The following OR11L1 variants were observed in gnomAD, a reference collection of about 807,000 sequenced individuals.
OR11L1 encodes olfactory receptor 11L1.
For synonymous variants in OR11L1, 164 were observed against 159.1 expected, an observed-to-expected ratio of 1.03 and a Z score of -0.23; for missense variants, 397 against 392.7, an observed-to-expected ratio of 1.01 and a Z score of -0.09.
chr1:247,841,567 G>A lies in OR11L1; in HGVS notation c.330C>T (p.Thr110=), dbSNP rs760343108. ...QLYFFVFLGA[T]ECFLLAFMAY... ...CCATGAAGGCCAGGAGAAAGCACTC[G>A]GTGGCGCCGAGGAATACGAAGAAGT... is the stretch of plus-strand genomic sequence containing the variant. Residue 110 remains threonine, a synonymous_variant, in exon 1 of 1, where the codon ACC becomes ACT. Transcript: ENST00000355784. The A allele has an allele frequency of 3.7e-6, 6 of 1,613,840 alleles. No individual in the cohort carries two copies. The highest frequency in any genetic ancestry group is 1.6e-4 in the Middle Eastern group (1 of 6,084).
At position 247,841,715 on chromosome 1, in the gene OR11L1, A is replaced by G. The variant is rs1343441071; in HGVS notation, c.182T>C (p.Met61Thr). 7 of 1,614,150 alleles carry G rather than the reference A, an allele frequency of 4.3e-6. No homozygotes were observed. Among genetic ancestry groups the G allele is most frequent in the Non-Finnish European group, 5.9e-6 (7 of 1,179,996 alleles). ...CAGAAAGGAGAGATGCTGGAGGAAC[A>G]TGTACATAGGGGAGTGCAGTCGCAG... ...QGLRLHSPMY[M>T]FLQHLSFLEV... The change falls in exon 1 of 1, where the codon ATG becomes ACG. Residue 61 changes from methionine to threonine, a missense_variant. Transcript: ENST00000355784.
rs1158878141 is a variant in OR11L1, at chr1:247,841,264, A to G, written c.633T>C (p.Phe211=). ...AAACATAGGGCCCCAGTGTCAGAAA[A>G]AAACAAATGCACAGCACGGCAATTG... ...ILSIAVLCIC[F]FLTLGPYVFI... The change falls in exon 1 of 1, where the codon TTT becomes TTC. Residue 211 remains phenylalanine, a synonymous_variant. Transcript: ENST00000355784. 1 of 1,614,226 alleles carries G rather than the reference A, an allele frequency of 6.2e-7. No homozygotes were observed.
In OR11L1 at chr1:247,841,332, A is replaced by G. The variant is rs370916642; in HGVS notation, c.565T>C (p.Cys189Arg). The G allele has an allele frequency of 4.7e-5, 76 of 1,614,086 alleles. No individual in the cohort carries two copies. Among genetic ancestry groups the G allele is most frequent in the Non-Finnish European group, 6.4e-5 (75 of 1,180,024 alleles). The change falls in exon 1 of 1, where the codon TGT (cysteine) becomes CGT (arginine). Residue 189 changes from cysteine to arginine, a missense_variant. Cys to Arg is a radical substitution (Grantham distance 180, BLOSUM62 -3). Coordinates refer to ENST00000355784, the MANE Select transcript of OR11L1 (RefSeq NM_001001959.1). ...CDLPPLMQLSCSRVYITEVTI... is the reference protein window; with the variant it reads ...CDLPPLMQLSRSRVYITEVTI... ...ACCTCGGTGATATAAACTCTGGAACAGGAGAGCTGCATGAGTGGCGGGAGG... is the reference window on the plus strand; with the variant it reads ...ACCTCGGTGATATAAACTCTGGAACGGGAGAGCTGCATGAGTGGCGGGAGG...
rs1183806380 is a variant in OR11L1, at chr1:247,841,455, A to AG, written c.441dup (p.Ser148LeufsTer28). The AG allele has an allele frequency of 6.2e-7, 1 of 1,614,168 alleles. No homozygotes were observed. Among genetic ancestry groups the AG allele is most frequent in the East Asian group, 2.2e-5 (1 of 44,886 alleles). Reference sequence around the variant, plus strand: ...CCTGTGCTGACCCCTGTGCACCAGGAGACCACCACCAACCTGGCACAGAGC... The same window carrying AG: ...CCTGTGCTGACCCCTGTGCACCAGGAGGACCACCACCAACCTGGCACAGAGC... On this transcript the variant is annotated frameshift_variant, in exon 1 of 1. Transcript: ENST00000355784. LOFTEE classifies it low-confidence loss of function (END_TRUNC).
At position 247,841,717 on chromosome 1, in the gene OR11L1, G is replaced by T. The variant is rs1663267089; in HGVS notation, c.180C>A (p.Tyr60Ter). Residue 60 changes from tyrosine to a stop codon, truncating the protein, a stop_gained, in exon 1 of 1, where the codon TAC (tyrosine) becomes TAA (stop). Transcript: ENST00000355784. LOFTEE classifies it low-confidence loss of function (END_TRUNC). ...GAAAGGAGAGATGCTGGAGGAACATGTACATAGGGGAGTGCAGTCGCAGGC... is the reference window on the plus strand; with the variant it reads ...GAAAGGAGAGATGCTGGAGGAACATTTACATAGGGGAGTGCAGTCGCAGGC... ...SQGLRLHSPM[Y>*]MFLQHLSFLE... The T allele has an allele frequency of 6.2e-7, 1 of 1,614,020 alleles. No individual in the cohort carries two copies. Among genetic ancestry groups the T allele is most frequent in the Admixed American group, 1.7e-5 (1 of 59,996 alleles).
chr1:247,841,303 G>A lies in OR11L1; in HGVS notation c.594C>T (p.Thr198=). The A allele has an allele frequency of 6.2e-7, 1 of 1,614,174 alleles. No individual in the cohort carries two copies. The highest frequency in any genetic ancestry group is 1.3e-5 in the African/African-American group (1 of 75,056). Residue 198 remains threonine, a synonymous_variant, in exon 1 of 1, where the codon ACC becomes ACT. Coordinates refer to ENST00000355784, the MANE Select transcript of OR11L1 (RefSeq NM_001001959.1). Reference sequence around the variant, plus strand: ...GCACGGCAATTGACAGGATGAAGATGGTCACCTCGGTGATATAAACTCTGG... The same window carrying A: ...GCACGGCAATTGACAGGATGAAGATAGTCACCTCGGTGATATAAACTCTGG... ...SCSRVYITEV[T]IFILSIAVLC...
rs1481250484 is a variant in OR11L1 at position 247,841,647 on chromosome 1, T to C, written c.250A>G (p.Asn84Asp). 1 of 1,614,102 alleles carries C rather than the reference T, an allele frequency of 6.2e-7. No homozygotes were observed. The highest frequency in any genetic ancestry group is 1.1e-5 in the South Asian group (1 of 91,068). ...ATGGCTTGGCCCCAGGACAGCAGGT[T>C]GGCTAGGAGAAGGGGCACAGTGGTG... ...TSTTVPLLLA[N>D]LLSWGQAISF... Residue 84 changes from asparagine to aspartate, a missense_variant, in exon 1 of 1, where the codon AAC becomes GAC. Physicochemically the swap from Asn to Asp is conservative, Grantham distance 23. Coordinates refer to ENST00000355784, the MANE Select transcript of OR11L1 (RefSeq NM_001001959.1).
Position 247,841,261 on chromosome 1 carries a change from A to C in OR11L1, c.636T>G (p.Phe212Leu), listed in dbSNP as rs757194335. The change falls in exon 1 of 1, where the codon TTT becomes TTG. Residue 212 changes from phenylalanine (F) to leucine (L), a missense_variant. Transcript: ENST00000355784. Reference protein sequence around the residue: ...LSIAVLCICFFLTLGPYVFIV... With the variant: ...LSIAVLCICFLLTLGPYVFIV... ...TGAAAACATAGGGCCCCAGTGTCAG[A>C]AAAAAACAAATGCACAGCACGGCAA... is the stretch of plus-strand genomic sequence containing the variant. 1 of 1,614,010 alleles carries C rather than the reference A, an allele frequency of 6.2e-7. No individual in the cohort carries two copies. The highest frequency in any genetic ancestry group is 1.3e-5 in the African/African-American group (1 of 74,926).
Position 247,841,507 on chromosome 1 carries a change from GA to G in OR11L1, c.389del (p.Leu130ProfsTer32). 1 of 1,614,144 alleles carries G rather than the reference GA, an allele frequency of 6.2e-7. No individual in the cohort carries two copies. The highest frequency in any genetic ancestry group is 8.5e-7 in the Non-Finnish European group (1 of 1,180,004). On this transcript the variant is annotated frameshift_variant, in exon 1 of 1. Transcript: ENST00000355784. LOFTEE classifies it low-confidence loss of function (END_TRUNC). Reference protein sequence around the residue: ...YDRYLAICSPLRYPFLMHRGL... With the variant: ...YDRYLAICSPXRYPFLMHRGL... ...CACGATGCATGAGGAAGGGGTAGCG[GA>G]GTGGGCTGCAGATGGCCAGGTAACG...
At position 247,841,331 on chromosome 1, in the gene OR11L1, C is replaced by T; in HGVS notation, c.566G>A (p.Cys189Tyr). The T allele has an allele frequency of 3.7e-6, 6 of 1,614,152 alleles. No individual in the cohort carries two copies. The highest frequency in any genetic ancestry group is 4.5e-5 in the East Asian group (2 of 44,876). The change falls in exon 1 of 1, where the codon TGT becomes TAT. Residue 189 changes from cysteine to tyrosine, a missense_variant. Coordinates refer to ENST00000355784, the MANE Select transcript of OR11L1 (RefSeq NM_001001959.1). ...CDLPPLMQLS[C>Y]SRVYITEVTI... ...CACCTCGGTGATATAAACTCTGGAACAGGAGAGCTGCATGAGTGGCGGGAG... is the reference window on the plus strand; with the variant it reads ...CACCTCGGTGATATAAACTCTGGAATAGGAGAGCTGCATGAGTGGCGGGAG...
Position 247,841,373 on chromosome 1 carries a change from T to A in OR11L1, c.524A>T (p.Asn175Ile), listed in dbSNP as rs776522749. 6.2e-6 allele frequency: 10 copies of A among 1,613,934 alleles called. No homozygotes were observed. The highest frequency in any genetic ancestry group is 8.5e-6 in the Non-Finnish European group (10 of 1,179,962). Residue 175 changes from asparagine to isoleucine, a missense_variant, in exon 1 of 1, where the codon AAC becomes ATC. By Grantham distance (149) the Asn-to-Ile change is moderately radical (BLOSUM62 -3). Coordinates refer to ENST00000355784, the MANE Select transcript of OR11L1 (RefSeq NM_001001959.1). ...TGGCGGGAGGTCGCAGAAGAAATGG[T>A]TAATCTGATTGCGCCCACAGAAGTC... ...RLDFCGRNQI[N>I]HFFCDLPPLM...
rs1663269609 is a variant in OR11L1 at position 247,841,791 on chromosome 1, A to G, written c.106T>C (p.Cys36Arg). The G allele has an allele frequency of 1.1e-5, 17 of 1,614,036 alleles. No individual in the cohort carries two copies. Among genetic ancestry groups the G allele is most frequent in the Non-Finnish European group, 1.4e-5 (16 of 1,180,016 alleles). The change falls in exon 1 of 1, where the codon TGC becomes CGC. Residue 36 changes from cysteine (C) to arginine (R), a missense_variant. Coordinates refer to ENST00000355784, the MANE Select transcript of OR11L1 (RefSeq NM_001001959.1). ...ACAACATTCCCTATAATGGTCAGGC[A>G]GTAGATGAGCAGGAAAATGACAAAG... ...LLFVIFLLIY[C>R]LTIIGNVVII... is the part of the protein sequence containing the mutation.
rs375938389 is a variant in OR11L1, at chr1:247,840,960, A to C, written c.937T>G (p.Trp313Gly). ...KVMRRKCGIL[W>G]STSKRKFLY Reference sequence around the variant, plus strand: ...AGGAACTTCCTTTTACTTGTACTCCATAGAATACCACATTTCCTTCTCATG... The same window carrying C: ...AGGAACTTCCTTTTACTTGTACTCCCTAGAATACCACATTTCCTTCTCATG... The change falls in exon 1 of 1, where the codon TGG becomes GGG. Residue 313 changes from tryptophan (W) to glycine (G), a missense_variant. By Grantham distance (184) the Trp-to-Gly change is radical (BLOSUM62 -2). Transcript: ENST00000355784. 2.5e-6 allele frequency: 4 copies of C among 1,613,810 alleles called. No homozygotes were observed. The highest frequency in any genetic ancestry group is 2.5e-6 in the Non-Finnish European group (3 of 1,179,830).
Position 247,840,928 on chromosome 1 carries a change from C to A in OR11L1, c.969G>T (p.Ter323TyrextTer?). The change falls in exon 1 of 1, where the codon TAG (stop) becomes TAT (tyrosine). Residue 323 changes from the stop codon to tyrosine (Y), a stop_lost. Transcript: ENST00000355784. The stretch of plus-strand genomic sequence containing the variant: ...GCATGTTCTGTGCAATTTTCTTTAC[C>A]TAATAAAGGAACTTCCTTTTACTTG... ...WSTSKRKFLY[*>Y] 1 of 1,604,140 alleles carries A rather than the reference C, an allele frequency of 6.2e-7. No individual in the cohort carries two copies. The highest frequency in any genetic ancestry group is 1.1e-5 in the South Asian group (1 of 89,772).
Position 247,841,347 on chromosome 1 carries a change from G to A in OR11L1, c.550C>T (p.Leu184Phe), listed in dbSNP as rs1158995031. 2 of 1,613,928 alleles carry A rather than the reference G, an allele frequency of 1.2e-6. No individual in the cohort carries two copies. The highest frequency in any genetic ancestry group is 1.7e-6 in the Non-Finnish European group (2 of 1,179,894). ...ACTCTGGAACAGGAGAGCTGCATGA[G>A]TGGCGGGAGGTCGCAGAAGAAATGG... The part of the protein sequence containing the change: ...INHFFCDLPP[L>F]MQLSCSRVYI... The change falls in exon 1 of 1, where the codon CTC becomes TTC. Residue 184 changes from leucine (L) to phenylalanine (F), a missense_variant. Coordinates refer to ENST00000355784, the MANE Select transcript of OR11L1 (RefSeq NM_001001959.1).
At position 247,841,167 on chromosome 1, in the gene OR11L1, G is replaced by A; in HGVS notation, c.730C>T (p.His244Tyr). The A allele has an allele frequency of 6.2e-7, 1 of 1,614,180 alleles. No individual in the cohort carries two copies. Residue 244 changes from histidine (H) to tyrosine (Y), a missense_variant, in exon 1 of 1, where the codon CAC becomes TAC. Physicochemically the swap from His to Tyr is moderately conservative, Grantham distance 83. Coordinates refer to ENST00000355784, the MANE Select transcript of OR11L1 (RefSeq NM_001001959.1). The stretch of plus-strand genomic sequence containing the variant: ...TAGTAGAGAGTGACAACAGCCAGGT[G>A]GGAGCCACATGTGGAAAAGGTCTTT... ...RRKTFSTCGS[H>Y]LAVVTLYYGT... is the part of the protein sequence containing the mutation.
At position 247,841,827 on chromosome 1, in the gene OR11L1, G is replaced by A. The variant is rs953844023; in HGVS notation, c.70C>T (p.Gln24Ter). The A allele has an allele frequency of 1.2e-6, 2 of 1,614,078 alleles. No homozygotes were observed. The highest frequency in any genetic ancestry group is 1.7e-6 in the Non-Finnish European group (2 of 1,179,968). Residue 24 changes from glutamine (Q) to a stop codon, truncating the protein, a stop_gained, in exon 1 of 1, where the codon CAG (glutamine) becomes TAG (stop). Transcript: ENST00000355784. LOFTEE classifies it low-confidence loss of function (END_TRUNC). ...LLGFQNLLEW[Q>*]ALLFVIFLLI... is the part of the protein sequence containing the mutation. ...AGGAAAATGACAAAGAGCAGGGCCT[G>A]CCATTCAAGAAGGTTCTGGAATCCT...
chr1:247,841,139 C>G lies in OR11L1; in HGVS notation c.758G>C (p.Gly253Ala). Residue 253 changes from glycine to alanine, a missense_variant, in exon 1 of 1, where the codon GGG becomes GCG. Transcript: ENST00000355784. ...SHLAVVTLYY[G>A]TMISMYVCPS... ...ACACACATACATGGAGATCATGGTC[C>G]CGTAGTAGAGAGTGACAACAGCCAG... The G allele has an allele frequency of 6.2e-7, 1 of 1,614,014 alleles. No homozygotes were observed.
In OR11L1 at chr1:247,840,938, A is replaced by G; in HGVS notation, c.959T>C (p.Phe320Ser). 6.2e-7 allele frequency: 1 copy of G among 1,607,000 alleles called. No individual in the cohort carries two copies. The highest frequency in any genetic ancestry group is 8.5e-7 in the Non-Finnish European group (1 of 1,175,660). Residue 320 changes from phenylalanine to serine, a missense_variant, in exon 1 of 1, where the codon TTC becomes TCC. Coordinates refer to ENST00000355784, the MANE Select transcript of OR11L1 (RefSeq NM_001001959.1). Reference protein sequence around the residue: ...GILWSTSKRKFLY With the variant: ...GILWSTSKRKSLY ...TGCAATTTTCTTTACCTAATAAAGG[A>G]ACTTCCTTTTACTTGTACTCCATAG...
Sources: allele counts gnomAD v4.1 joint callset, GRCh38; gene constraint gnomAD v4.1.1; transcripts MANE v1.5; gene names NCBI Gene and HGNC (gene_info 2026-07-23, HGNC 2026-07-21).